TTC28: variants seen among roughly 807,000 people sequenced by gnomAD.
TTC28 encodes the protein tetratricopeptide repeat protein 28.
In TTC28, 61 loss-of-function variants were observed where a neutral mutation model predicts 198.0. The ratio of observed to expected loss-of-function variants is 0.31; its 90% CI spans 0.25 to 0.38. The LOEUF is 0.38. Ranked by LOEUF, TTC28 falls within the 10% of genes least tolerant of loss-of-function variation. TTC28 has a pLI of 1.00. For missense variants in TTC28, 2,678 were observed against 3,164.0 expected, an observed-to-expected ratio of 0.85 and a Z score of 3.69; for synonymous variants, 1,171 against 1,297.8, an observed-to-expected ratio of 0.90 and a Z score of 2.10.
intron 2 of TTC28, among the ~76,000 whole-genome samples, chr22:28,480,163 TAA>T (rs986672988): frequency 4.6e-5 from 7 of 152,160 alleles, no homozygotes; most frequent in South Asian, 2.1e-4. Flanking sequence ...AATGGCTATA[TAA>T]GAGAAACAAG....
intron 2 of TTC28, among the ~76,000 whole-genome samples, chr22:28,459,541 A>ACC (rs1233719856): frequency 5.3e-5 from 8 of 151,520 alleles, no homozygotes; most frequent in Non-Finnish European, 1.2e-4. Flanking sequence ...AGTGCCACCG[A>ACC]CCCCCCTCCT....
At chr22:28,455,301 T>TA (rs1677235390) in intron 2 of TTC28, among the ~76,000 whole-genome samples, 1 of 152,230 alleles carries the variant, frequency 6.6e-6, no homozygotes. Flanking sequence ...AAGATTTAAA[T>TA]AAAATGTACA....
At chr22:28,239,626 C>T (rs980976890) in intron 5 of TTC28, among the ~76,000 whole-genome samples, 1 of 152,108 alleles carries the variant, frequency 6.6e-6, no homozygotes, top group South Asian at 2.1e-4. Flanking sequence ...AGCATGAAGC[C>T]TATGGAGAAC....
At chr22:28,185,554 A>G (rs1181666561) in intron 5 of TTC28, among the ~76,000 whole-genome samples, 1 of 152,216 alleles carries the variant, frequency 6.6e-6, no homozygotes, top group African/African-American at 2.4e-5. Flanking sequence ...AGCACCAGGC[A>G]TACTGTATTT....
At chr22:28,117,547 C>T (rs867266932) in intron 6 of TTC28, among the ~76,000 whole-genome samples, 3 of 152,288 alleles carry the variant, frequency 2.0e-5, no homozygotes, top group Admixed American at 6.5e-5. Flanking sequence ...AGGGAGACCA[C>T]AAAAACCTGT....
intron 2 of TTC28, among the ~76,000 whole-genome samples, chr22:28,355,359 T>C (rs1359191432): frequency 6.6e-6 from 1 of 152,178 alleles, no homozygotes; most frequent in East Asian, 1.9e-4. Context: ...TCTAGCATAT[T>C]TTACAAGTTT....
At chr22:28,606,291 A>G (rs557408393) in intron 2 of TTC28, among the ~76,000 whole-genome samples, 2 of 151,916 alleles carry the variant, frequency 1.3e-5, no homozygotes, top group African/African-American at 4.8e-5. Context: ...GGGTTTCACC[A>G]TGTTGGCTGG....
chr22:28,304,977 T>A (rs2045108642), intron 3 of TTC28, among the ~76,000 whole-genome samples: 1 of 149,684 alleles, frequency 6.7e-6, no homozygotes, highest in Non-Finnish European at 1.5e-5. Flanking sequence ...ATTTATTATT[T>A]ATTTATTTAT....
chr22:28,240,329 AAAG>A (rs369049409), intron 5 of TTC28, among the ~76,000 whole-genome samples: 15 of 152,352 alleles, frequency 9.8e-5, no homozygotes, highest in African/African-American at 3.6e-4. Context: ...ACACATACAG[AAAG>A]AAGAAGACTA....
chr22:28,007,950 T>A (rs1337240317), intron 14 of TTC28: 1 of 151,920 alleles, frequency 6.6e-6, no homozygotes, highest in Non-Finnish European at 1.5e-5. Flanking sequence ...TGTCCTCATT[T>A]GAATATCACT....
intron 5 of TTC28, among the ~76,000 whole-genome samples, chr22:28,207,469 T>A (rs898736238): frequency 1.3e-5 from 2 of 152,064 alleles, no homozygotes; most frequent in Non-Finnish European, 2.9e-5. Flanking sequence ...CTATTTAATA[T>A]GAATGACCTC....
At chr22:28,424,323 TACTCCTCTCCATGGGGCAAATTCCC>T (rs2047311731) in intron 2 of TTC28, among the ~76,000 whole-genome samples, 3 of 152,172 alleles carry the variant, frequency 2.0e-5, no homozygotes, top group African/African-American at 4.8e-5. Flanking sequence ...CAAAACCCTC[TACTCCTCTCCATGGGGCAAATTCCC>T]ACTCCTCCCT....
chr22:28,156,174 A>G (rs1601398123), intron 6 of TTC28, among the ~76,000 whole-genome samples: 1 of 152,320 alleles, frequency 6.6e-6, no homozygotes. Context: ...GTTACCTTAC[A>G]TGGCAAAAGG....
At chr22:28,646,223 C>T (rs2051464070) in intron 1 of TTC28, among the ~76,000 whole-genome samples, 1 of 152,146 alleles carries the variant, frequency 6.6e-6, no homozygotes, top group African/African-American at 2.4e-5. Flanking sequence ...GTTGCAAAAT[C>T]GATGTACACA....
rs1452316344 is a variant in TTC28, at chr22:28,386,082, C to G, written c.382-79439G>C. On this transcript the variant is annotated intron_variant, in intron 2 of 22. Coordinates refer to ENST00000397906, the MANE Select transcript of TTC28 (RefSeq NM_001145418.2). ...ACGAGGTCAGGAGATCGAGACCATC[C>G]CGGCTAAAACGGTGAAACCCCGTCT... 4.0e-5 allele frequency among the ~76,000 whole-genome samples: 6 copies of G among 151,130 alleles called. No individual in the cohort carries two copies. In the East Asian group the frequency reaches 5.9e-4, roughly 15 times the overall value.
chr22:28,048,179 A>G (rs1939941278), intron 12 of TTC28, among the ~76,000 whole-genome samples: 1 of 152,150 alleles, frequency 6.6e-6, no homozygotes. Context: ...GAGGAAGCTA[A>G]AGTGTCCAGA....
chr22:28,116,372 T>C (rs1942631241), intron 6 of TTC28, among the ~76,000 whole-genome samples: 1 of 152,188 alleles, frequency 6.6e-6, no homozygotes, highest in Non-Finnish European at 1.5e-5. Context: ...AAGTAATAAT[T>C]AAACCTATTT....
intron 2 of TTC28, among the ~76,000 whole-genome samples, chr22:28,441,899 A>G (rs2047628181): frequency 6.6e-6 from 1 of 151,764 alleles, no homozygotes; most frequent in Non-Finnish European, 1.5e-5. Flanking sequence ...AAAAAAAAAA[A>G]AAAAAAAGGC....
At chr22:28,192,069 C>T (rs868365285) in intron 5 of TTC28, among the ~76,000 whole-genome samples, 4 of 151,966 alleles carry the variant, frequency 2.6e-5, no homozygotes, top group East Asian at 3.9e-4. Context: ...CTCACACGGC[C>T]GGGTACTCCT....
Sources: gnomAD v4.1 joint callset for allele counts (sites outside exome capture counted in the v4.1 genomes callset) on GRCh38, gnomAD v4.1.1 for gene constraint, MANE v1.5 for transcripts, NCBI Gene and HGNC (gene_info 2026-07-23, HGNC 2026-07-21) for gene names.